Variants in ATF6 observed in about 807,000 individuals in gnomAD.
ATF6 encodes the protein cyclic AMP-dependent transcription factor ATF-6 alpha.
In ATF6, 53 loss-of-function variants were observed where a neutral mutation model predicts 83.6. The ratio of observed to expected loss-of-function variants is 0.63; its 90% CI spans 0.51 to 0.80. The LOEUF is 0.80. Ranked by LOEUF, ATF6 falls within the 30% of genes least tolerant of loss-of-function variation. The probability of loss-of-function intolerance (pLI) is 0.00; values close to 1 mark genes in which losing one functional copy is unlikely to be tolerated. For synonymous variants in ATF6, 288 were observed against 285.8 expected (o/e 1.01, Z -0.08); for missense variants, 744 against 797.9 (o/e 0.93, Z 0.81).
intron 6 of ATF6, among the ~76,000 whole-genome samples, chr1:161,798,380 G>A (rs1259846215): frequency 6.6e-6 from 1 of 152,206 alleles, no homozygotes; most frequent in African/African-American, 2.4e-5. Flanking sequence ...TTGGGAGGCT[G>A]AGGGGTGCAT....
chr1:161,805,040 A>G (rs910729604), intron 7 of ATF6, among the ~76,000 whole-genome samples: 1 of 152,146 alleles, frequency 6.6e-6, no homozygotes, highest in African/African-American at 2.4e-5. Flanking sequence ...GCTAATACTT[A>G]TTGGTTCTAT....
chr1:161,821,073 C>A lies in ATF6; in HGVS notation c.1099C>A (p.Gln367Lys). 1 of 1,603,816 alleles carries A rather than the reference C, an allele frequency of 6.2e-7. No homozygotes were observed. Among genetic ancestry groups the A allele is most frequent in the Non-Finnish European group, 8.5e-7 (1 of 1,174,582 alleles). The change falls in exon 9 of 16, where the codon CAG becomes AAG. Residue 367 changes from glutamine to lysine, a missense_variant. Transcript: ENST00000367942. ...TTAATGTGGTCATTTCCTTTAGAACCAGAGGCTTAAAGTCCCTAGTCCAAA... is the reference window on the plus strand; with the variant it reads ...TTAATGTGGTCATTTCCTTTAGAACAAGAGGCTTAAAGTCCCTAGTCCAAA... ...RQLDEVVSEN[Q>K]RLKVPSPKRR... is the part of the protein sequence containing the mutation.
At chr1:161,920,982 C>T (rs886648709) in intron 15 of ATF6, among the ~76,000 whole-genome samples, 5 of 152,014 alleles carry the variant, frequency 3.3e-5, no homozygotes, top group Admixed American at 6.5e-5. Context: ...GATCCACCCT[C>T]GGCCTCCCAA....
intron 9 of ATF6, among the ~76,000 whole-genome samples, chr1:161,827,357 A>G (rs751099222): frequency 6.6e-6 from 1 of 152,168 alleles, no homozygotes. Flanking sequence ...CAAGTGTCAC[A>G]TCTGTAGTCT....
At chr1:161,924,302 G>C (rs6656937) in intron 15 of ATF6, among the ~76,000 whole-genome samples, 97,939 of 151,934 alleles carry the variant, frequency 0.64, 33,376 homozygotes, top group Non-Finnish European at 0.77. Context: ...TGTCATTTCA[G>C]AGATGTACAT....
intron 15 of ATF6, among the ~76,000 whole-genome samples, chr1:161,930,603 G>A (rs1288295009): frequency 6.6e-6 from 1 of 152,090 alleles, no homozygotes; most frequent in East Asian, 1.9e-4. Flanking sequence ...ATTTGGTGAT[G>A]GAAAATCATA....
chr1:161,902,437 G>A (rs1255675436), intron 14 of ATF6, among the ~76,000 whole-genome samples: 2 of 152,168 alleles, frequency 1.3e-5, no homozygotes, highest in Non-Finnish European at 2.9e-5. Context: ...GTTACTGTAT[G>A]TGGCGGTGAA....
At chr1:161,791,197 T>C (rs1684872165) in intron 4 of ATF6, among the ~76,000 whole-genome samples, 1 of 152,028 alleles carries the variant, frequency 6.6e-6, no homozygotes, top group South Asian at 2.1e-4. Flanking sequence ...TGGCATAGAC[T>C]TACTCTGCAT....
Position 161,853,318 on chromosome 1 carries a change from C to A in ATF6, c.1528C>A (p.Leu510Ile). The change falls in exon 12 of 16, where the codon CTT becomes ATT. Residue 510 changes from leucine to isoleucine, a missense_variant. Transcript: ENST00000367942. Reference sequence around the variant, plus strand: ...AAATAATCAACAGAAAACCCGTATTCTTCAGGTATGTTTCTGTTTGTCTTT... The same window carrying A: ...AAATAATCAACAGAAAACCCGTATTATTCAGGTATGTTTCTGTTTGTCTTT... ...MTNNQQKTRILQGALEQGSNS... is the reference protein window; with the variant it reads ...MTNNQQKTRIIQGALEQGSNS... 1 of 1,610,430 alleles carries A rather than the reference C, an allele frequency of 6.2e-7. No individual in the cohort carries two copies.
At chr1:161,816,475 A>G (rs1338315967) in intron 7 of ATF6, among the ~76,000 whole-genome samples, 3 of 152,172 alleles carry the variant, frequency 2.0e-5, no homozygotes, top group East Asian at 1.9e-4. Flanking sequence ...AAGCCTCTCT[A>G]TTTGGTATTT....
At chr1:161,851,139 C>CAG in intron 10 of ATF6, among the ~76,000 whole-genome samples, 1 of 96,960 alleles carries the variant, frequency 1.0e-5, no homozygotes, top group East Asian at 4.1e-4. Context: ...CTATCCTTAA[C>CAG]ATACACACAC....
chr1:161,879,912 A>G (rs2101856787), intron 14 of ATF6, among the ~76,000 whole-genome samples: 1 of 152,168 alleles, frequency 6.6e-6, no homozygotes, highest in African/African-American at 2.4e-5. Flanking sequence ...TTGGCATGTC[A>G]TTCATCATTT....
chr1:161,853,669 T>C (rs1462967067), intron 12 of ATF6, among the ~76,000 whole-genome samples: 1 of 152,232 alleles, frequency 6.6e-6, no homozygotes, highest in Non-Finnish European at 1.5e-5. Context: ...TCTCCTCTTT[T>C]CTTAGAGCTT....
chr1:161,891,109 A>C (rs1392621874), intron 14 of ATF6: 1 of 152,368 alleles, frequency 6.6e-6, no homozygotes, highest in Non-Finnish European at 1.5e-5. Flanking sequence ...TCCAGAATCC[A>C]TTCGGTGCCA....
intron 1 of ATF6, among the ~76,000 whole-genome samples, chr1:161,772,190 T>C (rs552584509): frequency 3.3e-5 from 5 of 152,348 alleles, no homozygotes; most frequent in African/African-American, 4.8e-5. Flanking sequence ...TCATTGTCAC[T>C]ATTTCCTTCC....
chr1:161,829,842 A>G (rs1215453420), intron 9 of ATF6, among the ~76,000 whole-genome samples: 2 of 152,212 alleles, frequency 1.3e-5, no homozygotes, highest in Admixed American at 6.5e-5. Context: ...CCCACAGCCA[A>G]TATCATACTG....
At chr1:161,848,679 A>G (rs570816372) in intron 10 of ATF6, among the ~76,000 whole-genome samples, 5 of 152,114 alleles carry the variant, frequency 3.3e-5, no homozygotes, top group African/African-American at 1.2e-4. Flanking sequence ...CCTATATAAG[A>G]TGTCACCCAG....
intron 15 of ATF6, among the ~76,000 whole-genome samples, chr1:161,935,546 C>T (rs1358560037): frequency 6.6e-6 from 1 of 152,224 alleles, no homozygotes; most frequent in Non-Finnish European, 1.5e-5. Flanking sequence ...GCCATCCTGT[C>T]TATACAGTTT....
chr1:161,801,545 A>G (rs1358432332), intron 6 of ATF6, among the ~76,000 whole-genome samples: 1 of 151,928 alleles, frequency 6.6e-6, no homozygotes, highest in African/African-American at 2.4e-5. Context: ...CACTGGGATT[A>G]CAGGTGTAAG....
Sources: gnomAD v4.1 joint callset for allele counts (sites outside exome capture counted in the v4.1 genomes callset) on GRCh38, gnomAD v4.1.1 for gene constraint, MANE v1.5 for transcripts, NCBI Gene and HGNC (gene_info 2026-07-23, HGNC 2026-07-21) for gene names.